The following GRIP1 variants were observed in gnomAD, a reference collection of about 807,000 sequenced individuals.
The protein encoded by GRIP1 is glutamate receptor interacting protein 1.
In GRIP1, 45 loss-of-function variants were observed where a neutral mutation model predicts 129.9. That is an observed-to-expected ratio of 0.35 (90% CI 0.27 to 0.44). The LOEUF is 0.44. Among genes scored for constraint, GRIP1 ranks in the 20% least tolerant of loss-of-function variants. The pLI is 1.00. For synonymous variants in GRIP1, 530 were observed against 520.8 expected, an observed-to-expected ratio of 1.02 and a Z score of -0.24; for missense variants, 1,196 against 1,396.8, an observed-to-expected ratio of 0.86 and a Z score of 2.29.
intron 1 of GRIP1, among the ~76,000 whole-genome samples, chr12:66,812,153 C>T (rs986971470): frequency 6.6e-6 from 1 of 151,962 alleles, no homozygotes; most frequent in South Asian, 2.1e-4. Flanking sequence ...ATTCATTTTG[C>T]GATGGAGTAT....
intron 1 of GRIP1, among the ~76,000 whole-genome samples, chr12:67,035,217 C>T (rs953541437): frequency 1.9e-4 from 29 of 152,102 alleles, no homozygotes; most frequent in Non-Finnish European, 4.0e-4. Flanking sequence ...GAAAAAAAAA[C>T]GTGTTTCCTC....
chr12:66,598,296 T>A (rs1253013012), intron 1 of GRIP1, among the ~76,000 whole-genome samples: 1 of 152,182 alleles, frequency 6.6e-6, no homozygotes, highest in African/African-American at 2.4e-5. Flanking sequence ...AAGGAAAAGA[T>A]TAACACTGCT....
intron 23 of GRIP1, among the ~76,000 whole-genome samples, chr12:66,363,244 CTTTT>C (rs1288493037): frequency 1.1e-5 from 1 of 94,164 alleles, no homozygotes; most frequent in African/African-American, 4.1e-5. Flanking sequence ...TTCTGTATCT[CTTTT>C]TTTTTTCCTT....
chr12:66,791,408 A>C (rs1344540824), intron 1 of GRIP1, among the ~76,000 whole-genome samples: 7 of 152,072 alleles, frequency 4.6e-5, no homozygotes, highest in Non-Finnish European at 8.8e-5. Flanking sequence ...AAGATTGATG[A>C]CTAGTGTTGA....
chr12:66,495,873 C>T (rs2060225581), intron 7 of GRIP1, among the ~76,000 whole-genome samples: 1 of 152,182 alleles, frequency 6.6e-6, no homozygotes, highest in African/African-American at 2.4e-5. Context: ...TTCCCGGCAG[C>T]GCGAAACATT....
intron 1 of GRIP1, among the ~76,000 whole-genome samples, chr12:66,691,654 T>C (rs1043563797): frequency 2.0e-5 from 3 of 152,232 alleles, no homozygotes; most frequent in Non-Finnish European, 4.4e-5. Flanking sequence ...GAAAGTGTCC[T>C]CTTTACAAGC....
At chr12:66,960,374 G>A (rs548614100) in intron 1 of GRIP1, among the ~76,000 whole-genome samples, 1 of 152,300 alleles carries the variant, frequency 6.6e-6, no homozygotes, top group East Asian at 1.9e-4. Context: ...CTTAGCAATT[G>A]ACTAGACACA....
At chr12:66,822,579 T>A (rs115103198) in intron 1 of GRIP1, among the ~76,000 whole-genome samples, 3 of 152,076 alleles carry the variant, frequency 2.0e-5, no homozygotes, top group Non-Finnish European at 2.9e-5. Flanking sequence ...TTATTAACAA[T>A]AGCAAAGACA....
At chr12:66,593,998 G>A (rs904885354) in intron 2 of GRIP1, among the ~76,000 whole-genome samples, 1 of 148,902 alleles carries the variant, frequency 6.7e-6, no homozygotes, top group Non-Finnish European at 1.5e-5. Flanking sequence ...AACCCGGGAG[G>A]TGGAGCTTGC....
intron 1 of GRIP1, chr12:66,647,476 C>T (rs1298883235): frequency 1.3e-5 from 2 of 152,124 alleles, no homozygotes; most frequent in Non-Finnish European, 2.9e-5. Context: ...TATGAATCAC[C>T]TTCCCACAAA....
chr12:67,038,287 T>C (rs995927774), intron 1 of GRIP1, among the ~76,000 whole-genome samples: 1 of 152,226 alleles, frequency 6.6e-6, no homozygotes, highest in Non-Finnish European at 1.5e-5. Context: ...AGCCCATCCA[T>C]TCCTGTGAGC....
At chr12:66,700,839 T>C (rs992732540) in intron 1 of GRIP1, among the ~76,000 whole-genome samples, 1 of 152,126 alleles carries the variant, frequency 6.6e-6, no homozygotes, top group African/African-American at 2.4e-5. Flanking sequence ...AAATGCTTTA[T>C]TGCTGTCTGA....
chr12:66,976,745 T>G (rs57246267), intron 1 of GRIP1, among the ~76,000 whole-genome samples: 5,843 of 152,264 alleles, frequency 0.038, 346 homozygotes, highest in African/African-American at 0.13. Context: ...AAGTATGATG[T>G]GTCTGGCCAA....
intron 1 of GRIP1, among the ~76,000 whole-genome samples, chr12:66,671,298 G>C (rs922156476): frequency 6.6e-6 from 1 of 152,098 alleles, no homozygotes; most frequent in African/African-American, 2.4e-5. Flanking sequence ...TCTGTGACAA[G>C]AGTGTCCCTC....
At chr12:66,991,023 C>A (rs1297142372) in intron 1 of GRIP1, among the ~76,000 whole-genome samples, 1 of 151,520 alleles carries the variant, frequency 6.6e-6, no homozygotes, top group Non-Finnish European at 1.5e-5. Flanking sequence ...TCTGTAATCC[C>A]AGCACTTCGG....
In GRIP1 at chr12:66,413,494, T is replaced by TAC. The variant is rs556790754; in HGVS notation, c.1839-7068_1839-7067dup. On this transcript the variant is annotated intron_variant, in intron 15 of 24. Transcript: ENST00000359742. ...AAAAAATCCCAGGACCACATGGATT[T>TAC]ACAGCTGAATTCTAACAGAGGTACA... Among the ~76,000 whole-genome samples the TAC allele has an allele frequency of 2.8e-3, 419 of 152,290 alleles. 1 individual carries two copies. Among genetic ancestry groups the TAC allele is most frequent in the African/African-American group, 9.6e-3 (399 of 41,582 alleles).
intron 1 of GRIP1, among the ~76,000 whole-genome samples, chr12:66,675,444 T>C (rs530382690): frequency 6.6e-6 from 1 of 152,176 alleles, no homozygotes; most frequent in South Asian, 2.1e-4. Context: ...CCAAACTGTC[T>C]CAAGGAAAAG....
chr12:66,699,165 C>G (rs1033055766), intron 1 of GRIP1, among the ~76,000 whole-genome samples: 2 of 152,160 alleles, frequency 1.3e-5, no homozygotes, highest in Non-Finnish European at 2.9e-5. Context: ...ACACAAGGAA[C>G]AGCCTTTACT....
At chr12:66,608,933 A>ATTATTATT (rs2064666706) in intron 1 of GRIP1, among the ~76,000 whole-genome samples, 1 of 145,546 alleles carries the variant, frequency 6.9e-6, no homozygotes, top group Non-Finnish European at 1.5e-5. Flanking sequence ...ACATGAAACA[A>ATTATTATT]ATTATTATTA....
Sources: gnomAD v4.1 joint callset for allele counts (sites outside exome capture counted in the v4.1 genomes callset) on GRCh38, gnomAD v4.1.1 for gene constraint, MANE v1.5 for transcripts, NCBI Gene and HGNC (gene_info 2026-07-23, HGNC 2026-07-21) for gene names.